ADGRL3: variants seen among roughly 807,000 people sequenced by gnomAD.
ADGRL3 encodes adhesion G protein-coupled receptor L3.
A neutral mutation model predicts 153.5 loss-of-function variants in ADGRL3; 62 were observed. The observed-to-expected ratio is 0.40, with a 90% CI of 0.33 to 0.50. ADGRL3 has a LOEUF of 0.50. Ranked by LOEUF, ADGRL3 falls within the 20% of genes least tolerant of loss-of-function variation. ADGRL3 has a pLI of 0.47. For synonymous variants in ADGRL3, 710 were observed against 672.5 expected, an observed-to-expected ratio of 1.06 and a Z score of -0.86; for missense variants, 1,641 against 1,859.4, an observed-to-expected ratio of 0.88 and a Z score of 2.16.
Position 61,983,438 on chromosome 4 carries a change from C to T in ADGRL3, c.3071C>T (p.Thr1024Ile). The stretch of plus-strand genomic sequence containing the variant: ...CATTTCTTCTTCTTGGCTGCCTTCA[C>T]CTGGATGTTCCTGGAGGGGGTGCAG... ...LLHFFFLAAF[T>I]WMFLEGVQLY... The change falls in exon 19 of 27, where the codon ACC becomes ATC. Residue 1024 changes from threonine (T) to isoleucine (I), a missense_variant. Around this residue, in one of 5 missense-constraint regions of ADGRL3, gnomAD observed 734 missense variants for 797.0 expected, o/e 0.92. Coordinates refer to ENST00000683033, the MANE Select transcript of ADGRL3 (RefSeq NM_001387552.1). 2 of 1,613,844 alleles carry T rather than the reference C, an allele frequency of 1.2e-6. No homozygotes were observed. The highest frequency in any genetic ancestry group is 1.3e-5 in the African/African-American group (1 of 75,010).
intron 2 of ADGRL3, among the ~76,000 whole-genome samples, chr4:61,424,885 A>C (rs2097257594): frequency 6.6e-6 from 1 of 152,132 alleles, no homozygotes; most frequent in Non-Finnish European, 1.5e-5. Context: ...CAGCACTTGC[A>C]AAAAGTGGGA....
At chr4:61,392,436 C>T (rs564726169) in intron 2 of ADGRL3, among the ~76,000 whole-genome samples, 17 of 150,778 alleles carry the variant, frequency 1.1e-4, no homozygotes, top group African/African-American at 4.1e-4. Context: ...CCTGTAATCC[C>T]AGCACTTTGG....
At chr4:61,526,594 A>T (rs2098561637) in intron 4 of ADGRL3, among the ~76,000 whole-genome samples, 1 of 151,970 alleles carries the variant, frequency 6.6e-6, no homozygotes, top group South Asian at 2.1e-4. Context: ...CCTAGGTAAC[A>T]TAGTGAGACC....
chr4:61,502,836 G>A (rs2098401167), intron 3 of ADGRL3, among the ~76,000 whole-genome samples: 1 of 152,156 alleles, frequency 6.6e-6, no homozygotes, highest in Non-Finnish European at 1.5e-5. Context: ...TGGTGAAAGA[G>A]TCAGGTTGAC....
At chr4:61,591,362 A>G (rs1187739103) in intron 5 of ADGRL3, among the ~76,000 whole-genome samples, 1 of 152,124 alleles carries the variant, frequency 6.6e-6, no homozygotes, top group Non-Finnish European at 1.5e-5. Flanking sequence ...TGTTATCACC[A>G]CAGTAAGATT....
chr4:61,723,903 A>G (rs1244270414), intron 6 of ADGRL3, among the ~76,000 whole-genome samples: 1 of 152,178 alleles, frequency 6.6e-6, no homozygotes, highest in Non-Finnish European at 1.5e-5. Context: ...CTGTAATAAT[A>G]GTATCACCAA....
intron 1 of ADGRL3, among the ~76,000 whole-genome samples, chr4:61,376,185 G>A (rs985277991): frequency 5.3e-5 from 8 of 152,050 alleles, no homozygotes; most frequent in African/African-American, 1.9e-4. Context: ...GATATAAACT[G>A]CAGGGTAGAT....
chr4:61,915,328 C>G (rs1465114863), intron 13 of ADGRL3, among the ~76,000 whole-genome samples: 1 of 148,206 alleles, frequency 6.7e-6, no homozygotes, highest in Non-Finnish European at 1.5e-5. Flanking sequence ...CAATATATAT[C>G]TATATATGAC....
intron 1 of ADGRL3, among the ~76,000 whole-genome samples, chr4:61,265,470 G>A (rs1331672604): frequency 6.6e-6 from 1 of 151,810 alleles, no homozygotes; most frequent in Non-Finnish European, 1.5e-5. Context: ...CTAAGCGGAG[G>A]ACAGTAGTTA....
At chr4:61,275,420 G>T (rs893610686) in intron 1 of ADGRL3, among the ~76,000 whole-genome samples, 1 of 152,112 alleles carries the variant, frequency 6.6e-6, no homozygotes, top group African/African-American at 2.4e-5. Context: ...TAGCTAAAGG[G>T]TATTTGCTTT....
intron 8 of ADGRL3, among the ~76,000 whole-genome samples, chr4:61,759,398 C>T (rs1227144535): frequency 6.6e-6 from 1 of 151,948 alleles, no homozygotes; most frequent in African/African-American, 2.4e-5. Context: ...TCTAAACTTC[C>T]CTTCTCGCTT....
At chr4:61,954,264 A>T (rs1401462422) in intron 17 of ADGRL3, among the ~76,000 whole-genome samples, 1 of 151,984 alleles carries the variant, frequency 6.6e-6, no homozygotes, top group Non-Finnish European at 1.5e-5. Context: ...CTGCACACTC[A>T]ATCCCATCAG....
chr4:61,344,597 T>C (rs1261621292), intron 1 of ADGRL3, among the ~76,000 whole-genome samples: 1 of 152,052 alleles, frequency 6.6e-6, no homozygotes, highest in Non-Finnish European at 1.5e-5. Flanking sequence ...TCTTTTGAAG[T>C]TTCTTTTACA....
chr4:61,917,328 TACA>T (rs1250887509), intron 13 of ADGRL3, among the ~76,000 whole-genome samples: 12 of 152,216 alleles, frequency 7.9e-5, no homozygotes, highest in Admixed American at 6.5e-4. Context: ...TGGAATGCAG[TACA>T]ACAATTTTTT....
chr4:61,216,553 T>A (rs1288081308), intron 1 of ADGRL3, among the ~76,000 whole-genome samples: 1 of 152,174 alleles, frequency 6.6e-6, no homozygotes, highest in African/African-American at 2.4e-5. Flanking sequence ...TTTATTTATG[T>A]AAAATTATTA....
intron 5 of ADGRL3, among the ~76,000 whole-genome samples, chr4:61,653,841 G>A (rs373032198): frequency 1.3e-5 from 2 of 152,282 alleles, no homozygotes; most frequent in East Asian, 3.9e-4. Flanking sequence ...GGGCGCACAT[G>A]GGTCACATAC....
At chr4:61,640,646 ACAAT>A (rs758507313) in intron 5 of ADGRL3, among the ~76,000 whole-genome samples, 1 of 152,162 alleles carries the variant, frequency 6.6e-6, no homozygotes, top group Non-Finnish European at 1.5e-5. Context: ...CACATATTAG[ACAAT>A]CAATAGGAAT....
intron 8 of ADGRL3, among the ~76,000 whole-genome samples, chr4:61,760,015 T>A (rs1391824903): frequency 2.6e-5 from 4 of 152,206 alleles, no homozygotes; most frequent in Non-Finnish European, 5.9e-5. Flanking sequence ...TGTTGCTGCC[T>A]GATTGTTCCT....
chr4:61,584,953 CA>C (rs2098940441), intron 4 of ADGRL3, among the ~76,000 whole-genome samples: 2 of 152,006 alleles, frequency 1.3e-5, no homozygotes, highest in South Asian at 4.1e-4. Context: ...GAGTGATAAA[CA>C]AAGAGTTTTA....
Sources: gnomAD v4.1 joint callset for allele counts (sites outside exome capture counted in the v4.1 genomes callset) on GRCh38, gnomAD v4.1.1 for gene constraint, gnomAD v4.1.1 regional missense constraint, MANE v1.5 for transcripts, NCBI Gene and HGNC (gene_info 2026-07-23, HGNC 2026-07-21) for gene names.